The following EYS variants were observed in gnomAD, a reference collection of about 807,000 sequenced individuals.
EYS encodes the protein EGF-like photoreceptor maintenance factor.
EYS carries 250 observed loss-of-function variants against 282.1 expected under a neutral mutation model. The ratio of observed to expected loss-of-function variants is 0.89; its 90% CI spans 0.80 to 0.98. The LOEUF (loss-of-function observed/expected upper bound fraction) is 0.98. EYS is among the 50% of genes least tolerant of loss of function. The probability of loss-of-function intolerance (pLI) is 0.00; values close to 1 mark genes in which losing one functional copy is unlikely to be tolerated. For synonymous variants in EYS, 1,355 were observed against 1,282.9 expected, an observed-to-expected ratio of 1.06 and a Z score of -1.20; for missense variants, 4,016 against 3,709.0, an observed-to-expected ratio of 1.08 and a Z score of -2.15.
At chr6:65,230,157 A>G (rs1766730346) in intron 12 of EYS, among the ~76,000 whole-genome samples, 1 of 151,930 alleles carries the variant, frequency 6.6e-6, no homozygotes, top group Non-Finnish European at 1.5e-5. Context: ...TTCTTCTAAT[A>G]ACACAATAGA....
chr6:64,999,051 A>C (rs572397434), intron 13 of EYS, among the ~76,000 whole-genome samples: 1 of 152,358 alleles, frequency 6.6e-6, no homozygotes, highest in Non-Finnish European at 1.5e-5. Context: ...AGATTGTTAA[A>C]AAAATAAAGC....
chr6:64,226,235 C>T (rs562363593), intron 31 of EYS, among the ~76,000 whole-genome samples: 3 of 152,180 alleles, frequency 2.0e-5, no homozygotes, highest in South Asian at 4.2e-4. Context: ...GATATCAAGG[C>T]AGTCTATTTT....
chr6:64,223,697 A>G (rs1766170437), intron 31 of EYS, among the ~76,000 whole-genome samples: 1 of 152,076 alleles, frequency 6.6e-6, no homozygotes, highest in African/African-American at 2.4e-5. Context: ...TTAAACATGT[A>G]CTTTATTTAT....
chr6:64,445,225 G>A (rs939407914), intron 26 of EYS, among the ~76,000 whole-genome samples: 1 of 152,086 alleles, frequency 6.6e-6, no homozygotes, highest in Non-Finnish European at 1.5e-5. Flanking sequence ...TTTATTTTAT[G>A]CTTCCCTCAG....
intron 2 of EYS, among the ~76,000 whole-genome samples, chr6:65,513,393 C>A (rs1437112827): frequency 4.0e-5 from 6 of 150,896 alleles, no homozygotes; most frequent in East Asian, 2.0e-4. Context: ...CCTTCTGAAA[C>A]TATTCCAATC....
intron 26 of EYS, among the ~76,000 whole-genome samples, chr6:64,585,487 G>C (rs1345421985): frequency 6.6e-6 from 1 of 152,048 alleles, no homozygotes; most frequent in Admixed American, 6.6e-5. Flanking sequence ...CTTTTATTCA[G>C]ATCATTTAAT....
chr6:63,799,611 G>T lies in EYS; in HGVS notation c.7411+6579C>A, dbSNP rs571416504. Among the ~76,000 whole-genome samples, 7 of 152,256 alleles carry T rather than the reference G, an allele frequency of 4.6e-5. No homozygotes were observed. In the East Asian group the frequency reaches 1.4e-3, roughly 29 times the overall value. On this transcript the variant is annotated intron_variant, in intron 37 of 42. Coordinates refer to ENST00000503581, the MANE Select transcript of EYS (RefSeq NM_001142800.2). The stretch of plus-strand genomic sequence containing the variant: ...GAATGATGCAGCTGGGAATCCAAAA[G>T]AAATGGAAAGAATTTATGATTAATC...
chr6:65,645,706 C>CAA (rs71268356), intron 1 of EYS, among the ~76,000 whole-genome samples: 1 of 151,130 alleles, frequency 6.6e-6, no homozygotes, highest in East Asian at 2.0e-4. Flanking sequence ...GAAACTGAAA[C>CAA]AAAAAAACTA....
intron 32 of EYS, among the ~76,000 whole-genome samples, chr6:64,076,247 C>T (rs1771767148): frequency 6.6e-6 from 1 of 151,796 alleles, no homozygotes. Flanking sequence ...GGGATAATTT[C>T]CTAAAGATTC....
At chr6:65,637,976 G>A (rs936588772) in intron 2 of EYS, among the ~76,000 whole-genome samples, 1 of 152,200 alleles carries the variant, frequency 6.6e-6, no homozygotes, top group Non-Finnish European at 1.5e-5. Flanking sequence ...TTCAAGGCAG[G>A]GATGGCCTGA....
chr6:65,168,181 G>C (rs1765020629), intron 12 of EYS, among the ~76,000 whole-genome samples: 2 of 151,252 alleles, frequency 1.3e-5, no homozygotes, highest in Admixed American at 6.6e-5. Flanking sequence ...AAGCATGTGA[G>C]GCAGGGAATG....
intron 30 of EYS, among the ~76,000 whole-genome samples, chr6:64,244,643 T>G (rs1001553491): frequency 6.6e-6 from 1 of 152,192 alleles, no homozygotes; most frequent in Non-Finnish European, 1.5e-5. Flanking sequence ...TTTTCTCATT[T>G]TATTCTCCAT....
chr6:64,642,598 G>A (rs1318306054), intron 22 of EYS, among the ~76,000 whole-genome samples: 2 of 152,042 alleles, frequency 1.3e-5, no homozygotes, highest in African/African-American at 2.4e-5. Flanking sequence ...CTCTTCTTTG[G>A]AGAAATCATA....
At chr6:65,176,189 A>G (rs1007085818) in intron 12 of EYS, among the ~76,000 whole-genome samples, 15 of 151,550 alleles carry the variant, frequency 9.9e-5, no homozygotes, top group Admixed American at 4.6e-4. Flanking sequence ...TTCAGAAATT[A>G]TTCCTCTTAC....
intron 12 of EYS, among the ~76,000 whole-genome samples, chr6:65,069,295 T>C (rs1199186768): frequency 6.6e-6 from 1 of 151,994 alleles, no homozygotes; most frequent in Non-Finnish European, 1.5e-5. Flanking sequence ...ATCCTCATTC[T>C]TTCTCTCTTC....
intron 8 of EYS, among the ~76,000 whole-genome samples, chr6:65,378,447 T>C (rs971466700): frequency 5.3e-5 from 8 of 152,154 alleles, no homozygotes. Flanking sequence ...GAGTGTAAAT[T>C]AGTTCAATCA....
chr6:64,882,702 G>T (rs1348602945), intron 19 of EYS, among the ~76,000 whole-genome samples: 2 of 151,520 alleles, frequency 1.3e-5, no homozygotes, highest in East Asian at 3.9e-4. Context: ...TTAGAAATTT[G>T]AAGTTGCTTT....
chr6:64,309,121 AATCTGAC>A (rs1239257525), intron 29 of EYS, among the ~76,000 whole-genome samples: 2 of 152,164 alleles, frequency 1.3e-5, no homozygotes, highest in Non-Finnish European at 2.9e-5. Context: ...TTCAAACTTA[AATCTGAC>A]ATAGCTCAGC....
intron 26 of EYS, among the ~76,000 whole-genome samples, chr6:64,453,016 A>C (rs1044820599): frequency 3.9e-5 from 6 of 152,194 alleles, no homozygotes; most frequent in East Asian, 1.9e-4. Context: ...AATGGGATCT[A>C]ATTAAACTAA....
Sources: allele counts gnomAD v4.1 joint callset (sites outside exome capture counted in the v4.1 genomes callset), GRCh38; gene constraint gnomAD v4.1.1; transcripts MANE v1.5; gene names NCBI Gene and HGNC (gene_info 2026-07-23, HGNC 2026-07-21).